The following CYYR1 variants were observed in gnomAD, a reference collection of about 807,000 sequenced individuals.
CYYR1 encodes the protein cysteine and tyrosine-rich protein 1.
A neutral mutation model predicts 15.2 loss-of-function variants in CYYR1; 14 were observed. That is an observed-to-expected ratio of 0.92 (90% CI 0.61 to 1.44). The LOEUF is 1.44. CYYR1 is among the 40% of genes most tolerant of loss of function. CYYR1 has a pLI of 0.00. For missense variants in CYYR1, 228 were observed against 209.5 expected, an observed-to-expected ratio of 1.09 and a Z score of -0.54; for synonymous variants, 80 against 77.4, an observed-to-expected ratio of 1.03 and a Z score of -0.18.
intron 2 of CYYR1, among the ~76,000 whole-genome samples, chr21:26,533,899 A>G (rs2065964414): frequency 6.6e-6 from 1 of 152,158 alleles, no homozygotes; most frequent in Non-Finnish European, 1.5e-5. Context: ...CAGAAGACCT[A>G]CAAGCTTTTG....
intron 2 of CYYR1, among the ~76,000 whole-genome samples, chr21:26,530,768 C>T (rs1295590717): frequency 6.6e-6 from 1 of 152,136 alleles, no homozygotes; most frequent in Non-Finnish European, 1.5e-5. Context: ...CAGCTTCATC[C>T]ATGTGCCTGC....
At position 26,511,980 on chromosome 21, in the gene CYYR1, T is replaced by TCACACA. The variant is rs1464429095; in HGVS notation, c.177-31557_177-31552dup. Among the ~76,000 whole-genome samples the TCACACA allele has an allele frequency of 8.9e-5, 10 of 111,822 alleles. No individual in the cohort carries two copies. The East Asian group carries it at 1.9e-3, about 22-fold the overall frequency. The allele number at this position is 111,822 out of a possible 152,430, so 73.4% of individuals were successfully genotyped here. Reference sequence around the variant, plus strand: ...GCAGTTCAGAAATATGTCAACAATATCACACATACACACACACACACACAC... The same window carrying TCACACA: ...GCAGTTCAGAAATATGTCAACAATATCACACACACACATACACACACACACACACAC... On this transcript the variant is annotated intron_variant, in intron 2 of 3. Transcript: ENST00000652641.
chr21:26,521,430 T>C (rs1242090111), intron 2 of CYYR1, among the ~76,000 whole-genome samples: 2 of 152,222 alleles, frequency 1.3e-5, no homozygotes, highest in Non-Finnish European at 2.9e-5. Context: ...CTCAGGTATT[T>C]TCTTAGTTCT....
chr21:26,482,869 T>A (rs1375607381), intron 2 of CYYR1, among the ~76,000 whole-genome samples: 2 of 152,198 alleles, frequency 1.3e-5, no homozygotes, highest in East Asian at 3.9e-4. Context: ...CTTGGTATTC[T>A]AAAATTTCAT....
chr21:26,562,887 A>G (rs1342976529), intron 2 of CYYR1, among the ~76,000 whole-genome samples: 1 of 151,874 alleles, frequency 6.6e-6, no homozygotes, highest in Non-Finnish European at 1.5e-5. Context: ...TCTTTGAATT[A>G]GAATTATTTG....
At chr21:26,478,611 A>G (rs1361395605) in intron 3 of CYYR1, among the ~76,000 whole-genome samples, 1 of 152,150 alleles carries the variant, frequency 6.6e-6, no homozygotes, top group East Asian at 1.9e-4. Context: ...AACCGCTGGA[A>G]GATTCTGAGC....
At chr21:26,527,206 T>A (rs913502063) in intron 2 of CYYR1, among the ~76,000 whole-genome samples, 3 of 152,198 alleles carry the variant, frequency 2.0e-5, no homozygotes, top group Non-Finnish European at 4.4e-5. Flanking sequence ...CCAGAAACAC[T>A]GCCAGTTTCC....
At chr21:26,566,957 C>T (rs957356510) in intron 1 of CYYR1, among the ~76,000 whole-genome samples, 2 of 148,400 alleles carry the variant, frequency 1.3e-5, no homozygotes, top group Admixed American at 6.8e-5. Flanking sequence ...TGCAATGAGC[C>T]GAGATCATGC....
At chr21:26,509,964 T>A (rs1168973312) in intron 2 of CYYR1, among the ~76,000 whole-genome samples, 1 of 152,192 alleles carries the variant, frequency 6.6e-6, no homozygotes, top group Non-Finnish European at 1.5e-5. Flanking sequence ...AATGATCTTC[T>A]TAAGATGCAG....
chr21:26,476,625 T>TATCTATC (rs1298725415), intron 3 of CYYR1, among the ~76,000 whole-genome samples: 2 of 151,638 alleles, frequency 1.3e-5, no homozygotes, highest in Non-Finnish European at 2.9e-5. Flanking sequence ...TCTATCTATC[T>TATCTATC]ATCTAATCTT....
intron 2 of CYYR1, among the ~76,000 whole-genome samples, chr21:26,545,600 G>C (rs182996964): frequency 1.9e-5 from 2 of 103,770 alleles, no homozygotes; most frequent in Admixed American, 1.2e-4. Context: ...TTTTGAGACG[G>C]AGTCTCGCCC....
At chr21:26,503,232 G>C (rs916829611) in intron 2 of CYYR1, among the ~76,000 whole-genome samples, 36 of 152,178 alleles carry the variant, frequency 2.4e-4, no homozygotes, top group Non-Finnish European at 4.1e-4. Flanking sequence ...TTTGGAACCT[G>C]TTCCTGAGTG....
chr21:26,541,885 G>A (rs1466642932), intron 2 of CYYR1, among the ~76,000 whole-genome samples: 1 of 152,050 alleles, frequency 6.6e-6, no homozygotes, highest in Non-Finnish European at 1.5e-5. Flanking sequence ...ATAAAATAAA[G>A]AGGTAAGCTA....
chr21:26,489,944 G>T (rs1057141440), intron 2 of CYYR1, among the ~76,000 whole-genome samples: 1 of 152,050 alleles, frequency 6.6e-6, no homozygotes, highest in Admixed American at 6.6e-5. Context: ...TTATCCCTCA[G>T]TCATTTTGCC....
At chr21:26,534,918 C>T (rs2065976285) in intron 2 of CYYR1, among the ~76,000 whole-genome samples, 1 of 152,092 alleles carries the variant, frequency 6.6e-6, no homozygotes, top group Non-Finnish European at 1.5e-5. Flanking sequence ...TAATTTTACT[C>T]CTTGAGTTTG....
Position 26,562,727 on chromosome 21 carries a change from A to AACAC in CYYR1, c.176+3535_176+3538dup, listed in dbSNP as rs58990363. On this transcript the variant is annotated intron_variant, in intron 2 of 3. Transcript: ENST00000652641. ...TCTGTTCCCTAAACATCTCCTCCTAAACACACACACACACACACACACACA... is the reference window on the plus strand; with the variant it reads ...TCTGTTCCCTAAACATCTCCTCCTAAACACACACACACACACACACACACACACA... 6.4e-3 allele frequency among the ~76,000 whole-genome samples: 846 copies of AACAC among 131,684 alleles called. 10 individuals carry two copies. The highest frequency in any genetic ancestry group is 7.2e-3 in the Non-Finnish European group (443 of 61,934). The allele number at this position is 131,684 out of a possible 152,430, so 86.4% of individuals were successfully genotyped here.
intron 2 of CYYR1, among the ~76,000 whole-genome samples, chr21:26,498,143 G>A (rs2065432017): frequency 6.6e-6 from 1 of 152,170 alleles, no homozygotes; most frequent in Non-Finnish European, 1.5e-5. Context: ...TCTAGGAGCT[G>A]TGGATACAAC....
intron 1 of CYYR1, among the ~76,000 whole-genome samples, chr21:26,572,447 A>G (rs1981066104): frequency 6.6e-6 from 1 of 152,198 alleles, no homozygotes; most frequent in Non-Finnish European, 1.5e-5. Context: ...ACACTTGTGA[A>G]TCTCCCAAAG....
intron 2 of CYYR1, among the ~76,000 whole-genome samples, chr21:26,537,061 G>A (rs1275002033): frequency 3.9e-5 from 6 of 152,120 alleles, no homozygotes; most frequent in Admixed American, 6.6e-5. Flanking sequence ...TCTGGTGTGC[G>A]GGTTCAGAGT....
Sources: gnomAD v4.1 joint callset for allele counts (sites outside exome capture counted in the v4.1 genomes callset) on GRCh38, gnomAD v4.1.1 for gene constraint, MANE v1.5 for transcripts, NCBI Gene and HGNC (gene_info 2026-07-23, HGNC 2026-07-21) for gene names.